Variants in ANKRD16 observed in about 807,000 individuals in gnomAD.
The protein encoded by ANKRD16 is ankyrin repeat domain 16.
In ANKRD16, 35 loss-of-function variants were observed where a neutral mutation model predicts 37.9. The ratio of observed to expected loss-of-function variants is 0.92; its 90% CI spans 0.71 to 1.23. The LOEUF (loss-of-function observed/expected upper bound fraction) is 1.23, where lower values mean the gene tolerates loss of function less well. Among genes scored for constraint, ANKRD16 ranks in the 50% most tolerant of loss-of-function variants. ANKRD16 has a pLI of 0.00. For synonymous variants in ANKRD16, 206 were observed against 197.2 expected (o/e 1.04, Z -0.37); for missense variants, 480 against 469.9 (o/e 1.02, Z -0.20).
chr10:5,879,396 A>T (rs2131769364), intron 6 of ANKRD16, among the ~76,000 whole-genome samples: 1 of 151,648 alleles, frequency 6.6e-6, no homozygotes, highest in Non-Finnish European at 1.5e-5. Flanking sequence ...TGAACCCAGG[A>T]GGTGGAGGTT....
intron 5 of ANKRD16, among the ~76,000 whole-genome samples, chr10:5,881,872 A>G (rs1341696954): frequency 6.6e-6 from 1 of 151,714 alleles, no homozygotes. Flanking sequence ...TATTTTTAGT[A>G]GAGACGGGGT....
chr10:5,870,313 G>A lies in ANKRD16; in HGVS notation c.*34-7622C>T, dbSNP rs1842067711. 6.6e-6 allele frequency among the ~76,000 whole-genome samples: 1 copy of A among 151,798 alleles called. No homozygotes were observed. The highest frequency in any genetic ancestry group is 1.5e-5 in the Non-Finnish European group (1 of 67,982). On this transcript the variant is annotated intron_variant, in intron 7 of 7. Coordinates refer to ENST00000380094, the MANE Select transcript of ANKRD16 (RefSeq NM_019046.3). This position sits in a 1 kb window ranked among gnomAD's most constrained non-coding sequence, Gnocchi z 5.0. ...GGTCAGCTTCGCAGGGGCCCCCAGT[G>A]CACCCGCACAGTGAGGTCAGCGTTG... is the stretch of plus-strand genomic sequence containing the variant.
Position 5,865,965 on chromosome 10 carries a change from T to C in ANKRD16, c.*34-3274A>G, listed in dbSNP as rs1842008192. Among the ~76,000 whole-genome samples, 1 of 152,028 alleles carries C rather than the reference T, an allele frequency of 6.6e-6. No homozygotes were observed. Among genetic ancestry groups the C allele is most frequent in the South Asian group, 2.1e-4 (1 of 4,826 alleles). Reference sequence around the variant, plus strand: ...CCCCACAACCAGTGGCATACCTAAGTAAGGAAACTGATATAGTAGCAAAAG... The same window carrying C: ...CCCCACAACCAGTGGCATACCTAAGCAAGGAAACTGATATAGTAGCAAAAG... On this transcript the variant is annotated intron_variant, in intron 7 of 7. Transcript: ENST00000380094. This position sits in a 1 kb window ranked among gnomAD's most constrained non-coding sequence, Gnocchi z 4.7.
intron 7 of ANKRD16, among the ~76,000 whole-genome samples, chr10:5,873,428 C>T (rs972467650): frequency 1.3e-5 from 2 of 152,158 alleles, no homozygotes; most frequent in African/African-American, 4.8e-5. Flanking sequence ...CCCGCCTCGG[C>T]CTCCCAAAGT....
Position 5,889,340 on chromosome 10 carries a change from C to A in ANKRD16, c.15G>T (p.Gly5=). The part of the protein sequence containing the change: MAQP[G]DPRRLCRLVQ... Reference sequence around the variant, plus strand: ...CCAGCCTGCAGAGGCGCCGCGGGTCCCCGGGCTGGGCCATCGCCGCGGGTC... The same window carrying A: ...CCAGCCTGCAGAGGCGCCGCGGGTCACCGGGCTGGGCCATCGCCGCGGGTC... The change falls in exon 1 of 8, where the codon GGG becomes GGT. Residue 5 remains glycine, a synonymous_variant. Transcript: ENST00000380094. 4 of 1,249,662 alleles carry A rather than the reference C, an allele frequency of 3.2e-6. No homozygotes were observed. Among genetic ancestry groups the A allele is most frequent in the Non-Finnish European group, 4.0e-6 (4 of 1,000,020 alleles). The allele number at this position is 1,249,662 out of a possible 1,614,324, so 77.4% of individuals were successfully genotyped here. A position where few individuals can be genotyped will look rare whatever the true frequency, so the allele number is the denominator to read the frequency against.
chr10:5,880,165 C>A (rs1842267026), intron 6 of ANKRD16, 133 bp downstream of exon 6: 2 of 429,056 alleles, frequency 4.7e-6, no homozygotes, highest in Non-Finnish European at 3.6e-6. Context: ...TGTCTCAACA[C>A]CACCACCACT....
chr10:5,872,733 T>C (rs527409869), intron 7 of ANKRD16, among the ~76,000 whole-genome samples: 56 of 151,894 alleles, frequency 3.7e-4, no homozygotes, highest in African/African-American at 1.3e-3. Context: ...ATTTTTTGTA[T>C]TTTTAGTAGA....
At chr10:5,872,773 G>GGC (rs1564414941) in intron 7 of ANKRD16, among the ~76,000 whole-genome samples, 2,494 of 151,956 alleles carry the variant, frequency 0.016, 70 homozygotes, top group African/African-American at 0.055. Flanking sequence ...AGCCAAGATG[G>GGC]TCTTAATTTC....
At position 5,871,930 on chromosome 10, in the gene ANKRD16, A is replaced by G. The variant is rs1842095954; in HGVS notation, c.*33+6167T>C. ...CAGAGAGTTGCTCAGGCCCCTGTGC[A>G]GCCCATATCTCCCACCCACTCGCAT... On this transcript the variant is annotated intron_variant, in intron 7 of 7. Transcript: ENST00000380094. The surrounding 1 kb of genome is among the most constrained non-coding windows in gnomAD (Gnocchi z 4.5). Among the ~76,000 whole-genome samples, 1 of 152,158 alleles carries G rather than the reference A, an allele frequency of 6.6e-6. No individual in the cohort carries two copies. The highest frequency in any genetic ancestry group is 2.4e-5 in the African/African-American group (1 of 41,428).
Position 5,862,139 on chromosome 10 carries a change from A to G in ANKRD16, c.*586T>C, listed in dbSNP as rs111564843. On this transcript the variant is annotated 3_prime_UTR_variant, in exon 8 of 8. Coordinates refer to ENST00000380094, the MANE Select transcript of ANKRD16 (RefSeq NM_019046.3). This position sits in a 1 kb window ranked among gnomAD's most constrained non-coding sequence, Gnocchi z 6.5. ...AGGATGGTCTCGATCTCCTGACCTC[A>G]TGATCCTCCCGCCTCGGCCTCCCAA... 4,147 of 212,150 alleles carry G rather than the reference A, an allele frequency of 0.02. 181 individuals carry two copies. Among genetic ancestry groups the G allele is most frequent in the African/African-American group, 0.09 (3,862 of 42,916 alleles). The allele number at this position is 212,150 out of a possible 1,614,324, so 13.1% of individuals were successfully genotyped here. A position where few individuals can be genotyped will look rare whatever the true frequency, so the allele number is the denominator to read the frequency against.
intron 6 of ANKRD16, 40 bp downstream of exon 6, chr10:5,880,258 G>T: frequency 2.0e-6 from 2 of 1,024,580 alleles, no homozygotes; most frequent in Non-Finnish European, 2.9e-6. Flanking sequence ...GTTATACTCA[G>T]TTTACTAATT....
intron 5 of ANKRD16, among the ~76,000 whole-genome samples, chr10:5,882,496 A>C (rs1390051087): frequency 6.6e-6 from 1 of 152,090 alleles, no homozygotes; most frequent in East Asian, 1.9e-4. Flanking sequence ...AAAAAAAAAA[A>C]ACAAAAAATA....
rs906757876 is a variant in ANKRD16, at chr10:5,864,186, C to G, written c.*34-1495G>C. 2.6e-5 allele frequency among the ~76,000 whole-genome samples: 4 copies of G among 152,134 alleles called. No individual in the cohort carries two copies. Among genetic ancestry groups the G allele is most frequent in the African/African-American group, 9.7e-5 (4 of 41,376 alleles). On this transcript the variant is annotated intron_variant, in intron 7 of 7. Transcript: ENST00000380094. This position sits in a 1 kb window ranked among gnomAD's most constrained non-coding sequence, Gnocchi z 4.4. Reference sequence around the variant, plus strand: ...CTTTTAAGGAGAATCCACAACTATGCAAAGCTTACAACTTACATCCCACAG... The same window carrying G: ...CTTTTAAGGAGAATCCACAACTATGGAAAGCTTACAACTTACATCCCACAG...
At position 5,864,096 on chromosome 10, in the gene ANKRD16, C is replaced by T. The variant is rs1479219058; in HGVS notation, c.*34-1405G>A. On this transcript the variant is annotated intron_variant, in intron 7 of 7. Transcript: ENST00000380094. The surrounding 1 kb of genome is among the most constrained non-coding windows in gnomAD (Gnocchi z 4.4). The stretch of plus-strand genomic sequence containing the variant: ...GGGAAGTATAAATTACAATACTATC[C>T]TGCAGCTTGACCTTTTCTGTAAGGG... 3.3e-5 allele frequency among the ~76,000 whole-genome samples: 5 copies of T among 152,138 alleles called. No homozygotes were observed. Among genetic ancestry groups the T allele is most frequent in the African/African-American group, 4.8e-5 (2 of 41,384 alleles).
intron 4 of ANKRD16, 85 bp downstream of exon 4, chr10:5,883,884 T>A (rs1282030882): frequency 1.5e-5 from 18 of 1,196,802 alleles, no homozygotes; most frequent in Non-Finnish European, 1.7e-5. Flanking sequence ...GAACCTGGGA[T>A]CTGAGTAACA....
In ANKRD16 at chr10:5,887,874, T is replaced by C; in HGVS notation, c.508A>G (p.Ile170Val). The change falls in exon 2 of 8, where the codon ATT (isoleucine) becomes GTT (valine). Residue 170 changes from isoleucine to valine, a missense_variant. Coordinates refer to ENST00000380094, the MANE Select transcript of ANKRD16 (RefSeq NM_019046.3). ...GCAGTATGCAGAGGAGTCCTTCTAA[T>C]TTTGCTCTCTGTCTTCCAGGCACCT... is the stretch of plus-strand genomic sequence containing the variant. Reference protein sequence around the residue: ...CPGAWKTESKIRRTPLHTAAM... With the variant: ...CPGAWKTESKVRRTPLHTAAM... The C allele has an allele frequency of 6.2e-7, 1 of 1,613,940 alleles. No individual in the cohort carries two copies. Among genetic ancestry groups the C allele is most frequent in the Non-Finnish European group, 8.5e-7 (1 of 1,179,956 alleles).
At chr10:5,881,769 G>A (rs1481284567) in intron 5 of ANKRD16, among the ~76,000 whole-genome samples, 2 of 148,824 alleles carry the variant, frequency 1.3e-5, no homozygotes, top group African/African-American at 2.5e-5. Context: ...CTCACTGCAA[G>A]CTCCTCCTCC....
rs1010194078 is a variant in ANKRD16 at position 5,865,468 on chromosome 10, G to A, written c.*34-2777C>T. 2.0e-5 allele frequency among the ~76,000 whole-genome samples: 3 copies of A among 152,218 alleles called. No individual in the cohort carries two copies. The highest frequency in any genetic ancestry group is 4.4e-5 in the Non-Finnish European group (3 of 68,032). ...CAGGAAATCGACTTCCTCCTGGACA[G>A]TGGCATGGCTTTCTCAGTGTTAATC... On this transcript the variant is annotated intron_variant, in intron 7 of 7. Coordinates refer to ENST00000380094, the MANE Select transcript of ANKRD16 (RefSeq NM_019046.3). The surrounding 1 kb of genome is among the most constrained non-coding windows in gnomAD (Gnocchi z 4.7).
chr10:5,882,355 A>G (rs1437418761), intron 5 of ANKRD16, among the ~76,000 whole-genome samples: 1 of 152,142 alleles, frequency 6.6e-6, no homozygotes, highest in Non-Finnish European at 1.5e-5. Flanking sequence ...CAACCTGGCC[A>G]ACGTGGTGAA....
Sources: gnomAD v4.1 joint callset for allele counts (sites outside exome capture counted in the v4.1 genomes callset) on GRCh38, gnomAD v4.1.1 for gene constraint, Gnocchi (gnomAD v3.1) non-coding constraint, MANE v1.5 for transcripts, NCBI Gene and HGNC (gene_info 2026-07-23, HGNC 2026-07-21) for gene names.